BCAS3: variants seen among roughly 807,000 people sequenced by gnomAD.
BCAS3 encodes the protein BCAS3 microtubule associated cell migration factor, also known as BCAS4/BCAS3 fusion.
Under a neutral mutation model 116.1 loss-of-function variants are expected in BCAS3, and 53 were observed. That is an observed-to-expected ratio of 0.46 (90% CI 0.37 to 0.57). BCAS3 has a LOEUF of 0.57. Among genes scored for constraint, BCAS3 ranks in the 20% least tolerant of loss-of-function variants. The pLI is 0.00. For missense variants in BCAS3, 917 were observed against 1,165.4 expected (o/e 0.79, Z 3.10); for synonymous variants, 391 against 408.2 (o/e 0.96, Z 0.51).
rs2073900004 is a variant in BCAS3 at position 61,095,354 on chromosome 17, CAT to C, written c.2425+10792_2425+10793del. ...ATATAGAATGTAATTGATATTTCTA[CAT>C]AGAGGCTTTATCATTGTTTTTAAAT... On this transcript the variant is annotated intron_variant, in intron 22 of 23. Transcript: ENST00000407086. The surrounding 1 kb of genome is among the most constrained non-coding windows in gnomAD (Gnocchi z 4.7). 1.3e-5 allele frequency among the ~76,000 whole-genome samples: 2 copies of C among 152,150 alleles called. No homozygotes were observed. Among genetic ancestry groups the C allele is most frequent in the South Asian group, 4.1e-4 (2 of 4,826 alleles).
Position 61,070,079 on chromosome 17 carries a change from A to G in BCAS3, c.2030-4841A>G, listed in dbSNP as rs1229080612. 16 of 1,582,508 alleles carry G rather than the reference A, an allele frequency of 1.0e-5. No individual in the cohort carries two copies. The Admixed American group carries it at 2.7e-4, about 26-fold the overall frequency. ...CGGAAGAGCGCTCCCAGGAGAAACAAGCTTGACCACTATGCTATCATCAAG... is the reference window on the plus strand; with the variant it reads ...CGGAAGAGCGCTCCCAGGAGAAACAGGCTTGACCACTATGCTATCATCAAG... On this transcript the variant is annotated intron_variant, in intron 19 of 23. Coordinates refer to ENST00000407086, the MANE Select transcript of BCAS3 (RefSeq NM_017679.5).
chr17:60,819,392 T>C (rs2049729198), intron 7 of BCAS3, among the ~76,000 whole-genome samples: 1 of 152,238 alleles, frequency 6.6e-6, no homozygotes, highest in African/African-American at 2.4e-5. Context: ...ATATATTTAT[T>C]TTAAACTATA....
intron 22 of BCAS3, among the ~76,000 whole-genome samples, chr17:61,115,662 C>T (rs925668664): frequency 3.6e-5 from 5 of 137,716 alleles, no homozygotes; most frequent in African/African-American, 1.3e-4. Flanking sequence ...ACTAGTTCAA[C>T]CATTGTGGAA....
At chr17:61,184,992 ATTC>A (rs2144192227) in intron 22 of BCAS3, among the ~76,000 whole-genome samples, 2 of 152,172 alleles carry the variant, frequency 1.3e-5, no homozygotes, top group South Asian at 4.2e-4. Context: ...TGATGGAAAT[ATTC>A]TATATCTTGA....
chr17:60,983,137 G>A (rs911166836), intron 14 of BCAS3, among the ~76,000 whole-genome samples: 1 of 152,164 alleles, frequency 6.6e-6, no homozygotes, highest in African/African-American at 2.4e-5. Context: ...TGCCTAATCT[G>A]TACATGGTAA....
chr17:61,109,154 C>A (rs1426495750), intron 22 of BCAS3, among the ~76,000 whole-genome samples: 1 of 150,716 alleles, frequency 6.6e-6, no homozygotes, highest in East Asian at 1.9e-4. Flanking sequence ...CCACTGCACT[C>A]CAGCCTCATG....
rs934627291 is a variant in BCAS3, at chr17:61,023,176, A to G, written c.1637+7275A>G. Among the ~76,000 whole-genome samples, 8 of 152,222 alleles carry G rather than the reference A, an allele frequency of 5.3e-5. No homozygotes were observed. The highest frequency in any genetic ancestry group is 5.2e-4 in the Admixed American group (8 of 15,278). On this transcript the variant is annotated intron_variant, in intron 16 of 23. Coordinates refer to ENST00000407086, the MANE Select transcript of BCAS3 (RefSeq NM_017679.5). This position sits in a 1 kb window ranked among gnomAD's most constrained non-coding sequence, Gnocchi z 4.8. ...CATGTGGGAAATGCAAGTTCACTTC[A>G]GTTGTTGTTTTAACAGAGGGCACAC...
At chr17:61,031,126 A>G (rs1048558033) in intron 16 of BCAS3, among the ~76,000 whole-genome samples, 3 of 152,044 alleles carry the variant, frequency 2.0e-5, no homozygotes, top group Admixed American at 6.6e-5. Flanking sequence ...ATGTTCTTTA[A>G]TGAGATTTTT....
At chr17:60,936,686 A>G (rs971459256) in intron 13 of BCAS3, among the ~76,000 whole-genome samples, 13 of 151,870 alleles carry the variant, frequency 8.6e-5, no homozygotes, top group African/African-American at 3.1e-4. Context: ...CATATCCTTC[A>G]CCCACTTTTT....
At chr17:61,360,014 T>TTG (rs2058369584) in intron 22 of BCAS3, among the ~76,000 whole-genome samples, 4 of 150,800 alleles carry the variant, frequency 2.7e-5, no homozygotes, top group Admixed American at 1.3e-4. Flanking sequence ...ACTTTTCTTT[T>TTG]TTTTTTTTTT....
At chr17:61,341,428 TC>T (rs2057142860) in intron 22 of BCAS3, among the ~76,000 whole-genome samples, 2 of 152,144 alleles carry the variant, frequency 1.3e-5, no homozygotes, top group South Asian at 4.1e-4. Flanking sequence ...TATGGACACT[TC>T]CTGTTCTATC....
rs1368386507 is a variant in BCAS3, at chr17:61,356,293, C to T, written c.2426-12034C>T. Among the ~76,000 whole-genome samples, 1 of 152,234 alleles carries T rather than the reference C, an allele frequency of 6.6e-6. No homozygotes were observed. Among genetic ancestry groups the T allele is most frequent in the South Asian group, 2.1e-4 (1 of 4,832 alleles). On this transcript the variant is annotated intron_variant, in intron 22 of 23. Coordinates refer to ENST00000407086, the MANE Select transcript of BCAS3 (RefSeq NM_017679.5). This position sits in a 1 kb window ranked among gnomAD's most constrained non-coding sequence, Gnocchi z 5.4. ...ACAGGCGTGAGCCACCGCACCTGGC[C>T]AGGAAACATTGTCATTGCAGCCCAG... is the stretch of plus-strand genomic sequence containing the variant.
At chr17:60,694,855 A>G (rs552647908) in intron 4 of BCAS3, among the ~76,000 whole-genome samples, 100 of 152,152 alleles carry the variant, frequency 6.6e-4, no homozygotes, top group African/African-American at 2.4e-3. Flanking sequence ...TCATTGTGCA[A>G]AACTGAAACT....
rs764324122 is a variant in BCAS3, at chr17:61,229,302, G to C, written c.2426-139025G>C. Among the ~76,000 whole-genome samples the C allele has an allele frequency of 6.6e-6, 1 of 152,198 alleles. No homozygotes were observed. Among genetic ancestry groups the C allele is most frequent in the Non-Finnish European group, 1.5e-5 (1 of 68,052 alleles). ...GTTTGAAGCTAACAGAGGTTGGTTC[G>C]TGAGGTTAAGGAAAGAAGCTATTTG... On this transcript the variant is annotated intron_variant, in intron 22 of 23. Coordinates refer to ENST00000407086, the MANE Select transcript of BCAS3 (RefSeq NM_017679.5). The surrounding 1 kb of genome is among the most constrained non-coding windows in gnomAD (Gnocchi z 4.4).
chr17:61,240,655 A>T (rs2047436087), intron 22 of BCAS3, among the ~76,000 whole-genome samples: 1 of 152,212 alleles, frequency 6.6e-6, no homozygotes, highest in Non-Finnish European at 1.5e-5. Context: ...ATCTCAATAA[A>T]TAAATAATAA....
chr17:60,691,073 C>T (rs911154893), intron 4 of BCAS3, among the ~76,000 whole-genome samples: 2 of 152,014 alleles, frequency 1.3e-5, no homozygotes, highest in Non-Finnish European at 2.9e-5. Context: ...GCTGGGATTA[C>T]AGGTGCTCGC....
At chr17:61,272,197 T>C (rs1001925620) in intron 22 of BCAS3, among the ~76,000 whole-genome samples, 4 of 152,136 alleles carry the variant, frequency 2.6e-5, no homozygotes, top group Non-Finnish European at 5.9e-5. Context: ...TTCAAACATA[T>C]TGTATACAGA....
rs559129533 is a variant in BCAS3, at chr17:61,235,627, G to A, written c.2426-132700G>A. 4.0e-5 allele frequency among the ~76,000 whole-genome samples: 6 copies of A among 151,458 alleles called. 1 individual carries two copies. In the South Asian group the frequency reaches 8.3e-4, roughly 21 times the overall value. On this transcript the variant is annotated intron_variant, in intron 22 of 23. Coordinates refer to ENST00000407086, the MANE Select transcript of BCAS3 (RefSeq NM_017679.5). The surrounding 1 kb of genome is among the most constrained non-coding windows in gnomAD (Gnocchi z 5.0). ...TTAGTGCTACCTCTTTCTAAACAGC[G>A]CCAGCCATGAAGCTTTTGACCTTTT...
At position 61,040,771 on chromosome 17, in the gene BCAS3, ATTC is replaced by A. The variant is rs1382174645; in HGVS notation, c.1929-16_1929-14del. The A allele has an allele frequency of 6.3e-7, 1 of 1,586,050 alleles. No homozygotes were observed. The highest frequency in any genetic ancestry group is 1.7e-5 in the Admixed American group (1 of 59,974). ...CCATCTATTAAGCTTAAATATTAAT[ATTC>A]TTCTCCTGTTTCCTTAGAACCCCTC... On this transcript the variant is annotated intron_variant, in intron 18 of 23. Transcript: ENST00000407086.
Sources: allele counts gnomAD v4.1 joint callset (sites outside exome capture counted in the v4.1 genomes callset), GRCh38; gene constraint gnomAD v4.1.1; non-coding constraint Gnocchi (gnomAD v3.1); transcripts MANE v1.5; gene names NCBI Gene and HGNC (gene_info 2026-07-23, HGNC 2026-07-21).